The following KIAA1217 variants were observed in gnomAD, a reference collection of about 807,000 sequenced individuals.
KIAA1217 encodes the protein KIAA1217, also known as sickle tail protein homolog.
A neutral mutation model predicts 163.9 loss-of-function variants in KIAA1217; 88 were observed. That is an observed-to-expected ratio of 0.54 (90% CI 0.45 to 0.64). The LOEUF is 0.64. Among genes scored for constraint, KIAA1217 ranks in the 30% least tolerant of loss-of-function variants. The probability of loss-of-function intolerance (pLI) is 0.00; values close to 1 mark genes in which losing one functional copy is unlikely to be tolerated. For missense variants in KIAA1217, 2,372 were observed against 2,475.0 expected (o/e 0.96, Z 0.88); for synonymous variants, 903 against 923.1 (o/e 0.98, Z 0.39).
At position 24,172,401 on chromosome 10, in the gene KIAA1217, T is replaced by A. The variant is rs900894421; in HGVS notation, c.-170-47225T>A. Among the ~76,000 whole-genome samples, 9 of 152,290 alleles carry A rather than the reference T, an allele frequency of 5.9e-5. 1 individual carries two copies. Among genetic ancestry groups the A allele is most frequent in the Admixed American group, 4.6e-4 (7 of 15,294 alleles). ...GGGAGAAAGCATCTCAGTAACAATT[T>A]TGAGAAGCAGTTTGTGTAGTCCCTA... On this transcript the variant is annotated intron_variant, in intron 2 of 18. Transcript: ENST00000376462.
intron 1 of KIAA1217, among the ~76,000 whole-genome samples, chr10:23,734,426 A>G (rs1033641760): frequency 1.3e-5 from 2 of 151,708 alleles, no homozygotes; most frequent in Admixed American, 1.3e-4. Flanking sequence ...AGCTGGTATT[A>G]CAGGTGCATG....
At position 24,502,069 on chromosome 10, in the gene KIAA1217, G is replaced by T. The variant is rs530456439; in HGVS notation, c.2001+524G>T. Among the ~76,000 whole-genome samples, 4 of 151,960 alleles carry T rather than the reference G, an allele frequency of 2.6e-5. No homozygotes were observed. The East Asian group carries it at 7.8e-4, about 30-fold the overall frequency. On this transcript the variant is annotated intron_variant, in intron 9 of 20. Transcript: ENST00000376454. ...TGGCCTACAACCACTTCTTTAAGCT[G>T]TGCGTACTTTTACGCAGGAAGAGAC...
At chr10:23,816,889 G>A (rs933760696) in intron 1 of KIAA1217, among the ~76,000 whole-genome samples, 22 of 152,102 alleles carry the variant, frequency 1.4e-4, no homozygotes, top group African/African-American at 5.3e-4. Flanking sequence ...AGAAATTCTG[G>A]GAAACAAGCA....
chr10:23,860,513 T>C (rs1839901958), intron 1 of KIAA1217, among the ~76,000 whole-genome samples: 2 of 152,188 alleles, frequency 1.3e-5, no homozygotes, highest in African/African-American at 2.4e-5. Flanking sequence ...TGTCAGAACA[T>C]ATATTTTAAA....
intron 1 of KIAA1217, among the ~76,000 whole-genome samples, chr10:23,929,400 T>C (rs2131308098): frequency 6.6e-6 from 1 of 152,310 alleles, no homozygotes; most frequent in Admixed American, 6.5e-5. Context: ...AGGTTTGGGC[T>C]TCTGCTGAAC....
intron 2 of KIAA1217, among the ~76,000 whole-genome samples, chr10:24,060,066 A>T (rs1235055605): frequency 1.3e-5 from 2 of 151,114 alleles, no homozygotes; most frequent in African/African-American, 4.9e-5. Context: ...ATTGTCTTTG[A>T]GTCTTCTCTT....
At chr10:24,023,413 T>C (rs1248406218) in intron 2 of KIAA1217, among the ~76,000 whole-genome samples, 5 of 151,674 alleles carry the variant, frequency 3.3e-5, no homozygotes, top group Admixed American at 3.3e-4. Flanking sequence ...CCTTGAACAG[T>C]ACAGGTTTGA....
At chr10:23,719,870 C>A (rs983254929) in intron 1 of KIAA1217, among the ~76,000 whole-genome samples, 1 of 149,194 alleles carries the variant, frequency 6.7e-6, no homozygotes, top group South Asian at 2.1e-4. Context: ...GCCGAGATCG[C>A]GCCACTGCAC....
At chr10:23,850,499 A>C (rs997039433) in intron 1 of KIAA1217, among the ~76,000 whole-genome samples, 1 of 152,122 alleles carries the variant, frequency 6.6e-6, no homozygotes, top group Admixed American at 6.6e-5. Context: ...TGCACTACTC[A>C]ACTGTGATCT....
intron 2 of KIAA1217, among the ~76,000 whole-genome samples, chr10:24,095,911 G>C (rs1201022108): frequency 6.6e-6 from 1 of 152,134 alleles, no homozygotes; most frequent in Non-Finnish European, 1.5e-5. Flanking sequence ...TTTGAGGCCA[G>C]GCTGAAAAAC....
At chr10:24,486,525 A>C (rs1009814501) in intron 6 of KIAA1217, among the ~76,000 whole-genome samples, 1 of 151,014 alleles carries the variant, frequency 6.6e-6, no homozygotes, top group Non-Finnish European at 1.5e-5. Context: ...CATTTCAATC[A>C]CCCTCCCCTT....
rs189365551 is a variant in KIAA1217 at position 23,824,211 on chromosome 10, T to C, written c.-321+128977T>C. Reference sequence around the variant, plus strand: ...TCACTTGATCTGGGGGTGGTAGAGGTTGTACTGAGCTGAGATCATGCCACT... The same window carrying C: ...TCACTTGATCTGGGGGTGGTAGAGGCTGTACTGAGCTGAGATCATGCCACT... On this transcript the variant is annotated intron_variant, in intron 1 of 18. Transcript: ENST00000376462. 1.5e-3 allele frequency among the ~76,000 whole-genome samples: 226 copies of C among 151,982 alleles called. 1 individual carries two copies. Among genetic ancestry groups the C allele is most frequent in the African/African-American group, 5.1e-3 (210 of 41,464 alleles).
chr10:23,831,554 C>A (rs1473368478), intron 1 of KIAA1217, among the ~76,000 whole-genome samples: 1 of 152,110 alleles, frequency 6.6e-6, no homozygotes, highest in African/African-American at 2.4e-5. Context: ...AACAGTGTTG[C>A]TCAGTTGTCC....
chr10:23,784,763 T>A (rs1835414764), intron 1 of KIAA1217, among the ~76,000 whole-genome samples: 1 of 152,226 alleles, frequency 6.6e-6, no homozygotes, highest in African/African-American at 2.4e-5. Context: ...ATTTTAATTT[T>A]ACAATGTCAC....
At chr10:23,939,823 G>T (rs990397393) in intron 1 of KIAA1217, among the ~76,000 whole-genome samples, 1 of 151,272 alleles carries the variant, frequency 6.6e-6, no homozygotes, top group Non-Finnish European at 1.5e-5. Flanking sequence ...CTTTGTAAGT[G>T]CATACAGAAC....
At chr10:24,047,422 G>A (rs1020064224) in intron 2 of KIAA1217, among the ~76,000 whole-genome samples, 1 of 152,164 alleles carries the variant, frequency 6.6e-6, no homozygotes, top group African/African-American at 2.4e-5. Context: ...ATAATATGTG[G>A]TTTATGGGGA....
intron 1 of KIAA1217, among the ~76,000 whole-genome samples, chr10:23,823,242 C>T (rs74696850): frequency 9.2e-5 from 14 of 152,110 alleles, no homozygotes; most frequent in African/African-American, 3.4e-4. Context: ...GAATTCGGTT[C>T]GTTACGGTTG....
At chr10:23,813,370 AT>A (rs1004034119) in intron 1 of KIAA1217, among the ~76,000 whole-genome samples, 3 of 151,898 alleles carry the variant, frequency 2.0e-5, no homozygotes, top group Non-Finnish European at 2.9e-5. Flanking sequence ...TTTTTTTGCT[AT>A]TTTTTTGTTT....
At chr10:23,713,937 T>C (rs886292841) in intron 1 of KIAA1217, among the ~76,000 whole-genome samples, 1 of 152,096 alleles carries the variant, frequency 6.6e-6, no homozygotes, top group Non-Finnish European at 1.5e-5. Flanking sequence ...CTTATACACT[T>C]TTCATTTTAG....
Sources: gnomAD v4.1 joint callset for allele counts (sites outside exome capture counted in the v4.1 genomes callset) on GRCh38, gnomAD v4.1.1 for gene constraint, MANE v1.5 for transcripts, NCBI Gene and HGNC (gene_info 2026-07-23, HGNC 2026-07-21) for gene names.